Variants in DLG2 observed in about 807,000 individuals in gnomAD.
DLG2 encodes the protein discs large MAGUK scaffold protein 2, also known as disks large homolog 2.
A neutral mutation model predicts 132.5 loss-of-function variants in DLG2; 45 were observed. That is an observed-to-expected ratio of 0.34 (90% CI 0.27 to 0.44). The LOEUF (loss-of-function observed/expected upper bound fraction) is 0.44. Among genes scored for constraint, DLG2 ranks in the 20% least tolerant of loss-of-function variants. The pLI, the probability that DLG2 is intolerant of heterozygous loss-of-function variation, is 1.00. For missense variants in DLG2, 1,045 were observed against 1,196.9 expected, an observed-to-expected ratio of 0.87 and a Z score of 1.87; for synonymous variants, 424 against 419.6, an observed-to-expected ratio of 1.01 and a Z score of -0.13.
At chr11:84,063,627 G>T (rs1271674709) in intron 10 of DLG2, among the ~76,000 whole-genome samples, 1 of 152,066 alleles carries the variant, frequency 6.6e-6, no homozygotes, top group African/African-American at 2.4e-5. Flanking sequence ...ATACCCAAAG[G>T]ATTATAAATC....
At chr11:84,465,110 T>C (rs1191639201) in intron 7 of DLG2, among the ~76,000 whole-genome samples, 1 of 151,202 alleles carries the variant, frequency 6.6e-6, no homozygotes, top group Non-Finnish European at 1.5e-5. Context: ...GTCACACACT[T>C]GATTCACTTC....
At chr11:85,296,755 CA>C (rs530647728) in intron 3 of DLG2, among the ~76,000 whole-genome samples, 270 of 151,120 alleles carry the variant, frequency 1.8e-3, no homozygotes, top group Non-Finnish European at 3.2e-3. Context: ...TGGCTAATCT[CA>C]AAAAGAACAT....
chr11:84,278,568 C>CA (rs2097812436), intron 7 of DLG2, among the ~76,000 whole-genome samples: 1 of 151,702 alleles, frequency 6.6e-6, no homozygotes. Flanking sequence ...AATATACAAG[C>CA]AAAAATTCTT....
At chr11:84,286,435 C>G (rs1307639612) in intron 7 of DLG2, among the ~76,000 whole-genome samples, 1 of 152,110 alleles carries the variant, frequency 6.6e-6, no homozygotes, top group Non-Finnish European at 1.5e-5. Context: ...CTCTAGTAAA[C>G]AGTTAAGATA....
At chr11:83,746,269 T>C (rs1165481523) in intron 18 of DLG2, among the ~76,000 whole-genome samples, 3 of 152,254 alleles carry the variant, frequency 2.0e-5, no homozygotes, top group East Asian at 3.9e-4. Flanking sequence ...TATAAAGACA[T>C]ATGCACACGT....
chr11:84,298,947 G>C (rs1173020312), intron 7 of DLG2, among the ~76,000 whole-genome samples: 2 of 152,154 alleles, frequency 1.3e-5, no homozygotes, highest in Non-Finnish European at 2.9e-5. Context: ...TGCTTTGCTA[G>C]GGAATCCAGT....
At chr11:83,612,643 T>C (rs1485005220) in intron 19 of DLG2, among the ~76,000 whole-genome samples, 1 of 152,148 alleles carries the variant, frequency 6.6e-6, no homozygotes, top group Non-Finnish European at 1.5e-5. Context: ...ACAACCATTA[T>C]AACGGAAGTG....
intron 18 of DLG2, among the ~76,000 whole-genome samples, chr11:83,706,870 T>C (rs967755052): frequency 6.6e-6 from 1 of 152,176 alleles, no homozygotes; most frequent in Non-Finnish European, 1.5e-5. Context: ...TTGAGTTAGT[T>C]TGGCAGAAAA....
intron 12 of DLG2, among the ~76,000 whole-genome samples, chr11:83,974,211 T>G (rs186136300): frequency 4.6e-5 from 7 of 152,184 alleles, no homozygotes; most frequent in Admixed American, 1.3e-4. Context: ...AATTTCTACA[T>G]ATTCGCAATG....
chr11:83,894,446 CA>C (rs1430015681), intron 15 of DLG2, among the ~76,000 whole-genome samples: 2 of 152,050 alleles, frequency 1.3e-5, no homozygotes, highest in African/African-American at 2.4e-5. Flanking sequence ...AAAAAGGAAA[CA>C]AAAATTTTTT....
intron 6 of DLG2, among the ~76,000 whole-genome samples, chr11:84,732,317 G>C (rs546098246): frequency 6.6e-6 from 1 of 152,006 alleles, no homozygotes; most frequent in African/African-American, 2.4e-5. Context: ...ATGAATATGT[G>C]TTTATATTTT....
intron 17 of DLG2, among the ~76,000 whole-genome samples, chr11:83,816,010 C>T: frequency 6.6e-6 from 1 of 152,262 alleles, no homozygotes; most frequent in African/African-American, 2.4e-5. Context: ...ATCACTGTGT[C>T]TAATTCCCTC....
intron 8 of DLG2, among the ~76,000 whole-genome samples, chr11:84,224,619 C>A (rs1292465089): frequency 1.3e-5 from 2 of 152,046 alleles, no homozygotes; most frequent in African/African-American, 4.8e-5. Flanking sequence ...ATTATTATTA[C>A]CCCCAACTCA....
intron 6 of DLG2, among the ~76,000 whole-genome samples, chr11:84,921,375 A>T (rs1264935003): frequency 6.6e-6 from 1 of 152,172 alleles, no homozygotes; most frequent in Non-Finnish European, 1.5e-5. Flanking sequence ...CTATCAATCA[A>T]TACATAAGAA....
chr11:84,091,799 C>T (rs1204186693), intron 10 of DLG2, among the ~76,000 whole-genome samples: 2 of 152,174 alleles, frequency 1.3e-5, no homozygotes, highest in African/African-American at 2.4e-5. Context: ...GGACTGTATT[C>T]ATTTTGGGAA....
intron 18 of DLG2, among the ~76,000 whole-genome samples, chr11:83,723,592 C>A (rs1273933721): frequency 6.6e-6 from 1 of 151,366 alleles, no homozygotes; most frequent in East Asian, 2.0e-4. Context: ...TAGTGGCTCA[C>A]GCCTGTAATC....
At chr11:84,605,092 A>C (rs1169842660) in intron 6 of DLG2, among the ~76,000 whole-genome samples, 2 of 151,980 alleles carry the variant, frequency 1.3e-5, no homozygotes, top group African/African-American at 4.8e-5. Context: ...ACATAAAAAT[A>C]TAATTCATCA....
intron 15 of DLG2, among the ~76,000 whole-genome samples, chr11:83,886,901 G>A (rs980359164): frequency 6.7e-6 from 1 of 150,100 alleles, no homozygotes; most frequent in Non-Finnish European, 1.5e-5. Flanking sequence ...TGAAACCAAC[G>A]ACAACAAAGA....
intron 17 of DLG2, among the ~76,000 whole-genome samples, chr11:83,826,668 G>T (rs904843345): frequency 6.6e-6 from 1 of 152,140 alleles, no homozygotes; most frequent in African/African-American, 2.4e-5. Flanking sequence ...ACTCCACTTA[G>T]TTGGATTTCA....
Sources: allele counts gnomAD v4.1 joint callset (sites outside exome capture counted in the v4.1 genomes callset), GRCh38; gene constraint gnomAD v4.1.1; transcripts MANE v1.5; gene names NCBI Gene and HGNC (gene_info 2026-07-23, HGNC 2026-07-21).